The following CEP152 variants were observed in gnomAD, a reference collection of about 807,000 sequenced individuals.
CEP152 encodes the protein centrosomal protein of 152 kDa.
In CEP152, 132 loss-of-function variants were observed where a neutral mutation model predicts 188.9. That is an observed-to-expected ratio of 0.70 (90% CI 0.61 to 0.81). The LOEUF (loss-of-function observed/expected upper bound fraction) is 0.81. Ranked by LOEUF, CEP152 falls within the 30% of genes least tolerant of loss-of-function variation. The probability of loss-of-function intolerance (pLI) is 0.00; values close to 1 mark genes in which losing one functional copy is unlikely to be tolerated. For missense variants in CEP152, 1,914 were observed against 1,969.8 expected (o/e 0.97, Z 0.54); for synonymous variants, 649 against 666.6 (o/e 0.97, Z 0.41).
chr15:48,793,310 C>T lies in CEP152; in HGVS notation c.832+11G>A, dbSNP rs1444716729. The T allele has an allele frequency of 1.5e-5, 24 of 1,613,530 alleles. No homozygotes were observed. The highest frequency in any genetic ancestry group is 2.0e-5 in the Non-Finnish European group (24 of 1,179,722). On this transcript the variant is annotated intron_variant, in intron 7 of 26. Transcript: ENST00000380950. Reference sequence around the variant, plus strand: ...AGTGTACCTCATAAATGACAGCATCCAGCATCTTACCTTTTATTATTACAA... The same window carrying T: ...AGTGTACCTCATAAATGACAGCATCTAGCATCTTACCTTTTATTATTACAA...
chr15:48,793,806 T>C (rs572622150), intron 6 of CEP152, among the ~76,000 whole-genome samples: 2 of 152,316 alleles, frequency 1.3e-5, no homozygotes, highest in East Asian at 3.9e-4. Context: ...AATCACTAAC[T>C]ACCATTTTAG....
chr15:48,745,665 CCTT>C (rs539558222), intron 22 of CEP152, among the ~76,000 whole-genome samples: 39 of 152,030 alleles, frequency 2.6e-4, no homozygotes, highest in African/African-American at 8.9e-4. Flanking sequence ...TTACAAAGAA[CCTT>C]CTTAAGGGTG....
chr15:48,796,980 C>T (rs1049491553), intron 5 of CEP152, among the ~76,000 whole-genome samples: 4 of 152,206 alleles, frequency 2.6e-5, no homozygotes, highest in Admixed American at 1.3e-4. Context: ...AACACAGCTT[C>T]TCATTGAAGC....
At chr15:48,737,300 A>G (rs963495169), downstream of CEP152, among the ~76,000 whole-genome samples, 7 of 152,176 alleles carry the variant, frequency 4.6e-5, no homozygotes, top group African/African-American at 1.4e-4. Context: ...AGAGAAAGCT[A>G]TAGTTAACTG....
Position 48,791,364 on chromosome 15 carries a change from C to T in CEP152, c.845G>A (p.Gly282Asp), listed in dbSNP as rs1316210146. Reference sequence around the variant, plus strand: ...TGATTCTCGAAGGCTGAGAGTCAAACCATCCTTTTCATCTACGGTATTAAA... The same window carrying T: ...TGATTCTCGAAGGCTGAGAGTCAAATCATCCTTTTCATCTACGGTATTAAA... Reference protein sequence around the residue: ...QLVIIKDEKDGLTLSLRESQK... With the variant: ...QLVIIKDEKDDLTLSLRESQK... Residue 282 changes from glycine (G) to aspartate (D), a missense_variant, in exon 8 of 27, where the codon GGT becomes GAT. Transcript: ENST00000380950. 3 of 1,611,948 alleles carry T rather than the reference C, an allele frequency of 1.9e-6. No individual in the cohort carries two copies. Among genetic ancestry groups the T allele is most frequent in the Non-Finnish European group, 2.5e-6 (3 of 1,179,416 alleles).
intron 19 of CEP152, among the ~76,000 whole-genome samples, chr15:48,757,594 G>T (rs1042928858): frequency 6.6e-6 from 1 of 152,122 alleles, no homozygotes; most frequent in East Asian, 1.9e-4. Flanking sequence ...TTCAAAGAAG[G>T]CACAAGGACG....
intron 9 of CEP152, among the ~76,000 whole-genome samples, chr15:48,784,545 G>C (rs1003625166): frequency 2.6e-5 from 4 of 152,176 alleles, no homozygotes; most frequent in Non-Finnish European, 5.9e-5. Flanking sequence ...TAAGGATATA[G>C]ATAAACACAT....
intron 2 of CEP152, among the ~76,000 whole-genome samples, chr15:48,805,105 G>A (rs1359818519): frequency 6.6e-6 from 1 of 152,056 alleles, no homozygotes; most frequent in African/African-American, 2.4e-5. Context: ...TGCTTTCATA[G>A]CACTCCAATT....
chr15:48,738,995 C>G lies in CEP152; in HGVS notation c.4387G>C (p.Glu1463Gln). ...CCTTCACCTTCACAAGGAACAAACT[C>G]AGGAGAAACATTCCTTGGCAAACTG... Reference protein sequence around the residue: ...LNSLPRNVSPEFVPCEGEGGF... With the variant: ...LNSLPRNVSPQFVPCEGEGGF... Residue 1463 changes from glutamate (E) to glutamine (Q), a missense_variant, in exon 27 of 27, where the codon GAG becomes CAG. Transcript: ENST00000380950. 6.2e-7 allele frequency: 1 copy of G among 1,614,120 alleles called. No individual in the cohort carries two copies. Among genetic ancestry groups the G allele is most frequent in the Non-Finnish European group, 8.5e-7 (1 of 1,180,004 alleles).
Position 48,797,996 on chromosome 15 carries a change from G to A in CEP152, c.143C>T (p.Ser48Phe). 6.2e-7 allele frequency: 1 copy of A among 1,613,984 alleles called. No homozygotes were observed. Among genetic ancestry groups the A allele is most frequent in the Non-Finnish European group, 8.5e-7 (1 of 1,179,980 alleles). The change falls in exon 3 of 27, where the codon TCT becomes TTT. Residue 48 changes from serine to phenylalanine, a missense_variant. Coordinates refer to ENST00000380950, the MANE Select transcript of CEP152 (RefSeq NM_001194998.2). ...PHDMLDDDLS[S>F]PELQYSDCSE... Reference sequence around the variant, plus strand: ...GCAGTCCGAATACTGGAGCTCTGGAGAGGAGAGGTCGTCATCCAGCATGTC... The same window carrying A: ...GCAGTCCGAATACTGGAGCTCTGGAAAGGAGAGGTCGTCATCCAGCATGTC...
Position 48,768,963 on chromosome 15 carries a change from T to G in CEP152, c.1901A>C (p.Gln634Pro), listed in dbSNP as rs752153866. ...LKNEIQVLQQ[Q>P]NQELKETEGK... Reference sequence around the variant, plus strand: ...AAAAATATTTTTAATCACCTGATTTTGTTGTTGTAAAACTTGAATTTCATT... The same window carrying G: ...AAAAATATTTTTAATCACCTGATTTGGTTGTTGTAAAACTTGAATTTCATT... The change falls in exon 14 of 27, where the codon CAA (glutamine) becomes CCA (proline). Residue 634 changes from glutamine to proline, a missense_variant. Coordinates refer to ENST00000380950, the MANE Select transcript of CEP152 (RefSeq NM_001194998.2). 1 of 1,532,214 alleles carries G rather than the reference T, an allele frequency of 6.5e-7. No homozygotes were observed. The highest frequency in any genetic ancestry group is 9.0e-7 in the Non-Finnish European group (1 of 1,114,138). 94.9% of individuals were successfully genotyped at this position (1,532,214 alleles called of 1,614,324 possible).
At position 48,738,451 on chromosome 15, in the gene CEP152, G is replaced by T. The variant is rs1892721208; in HGVS notation, c.4931C>A (p.Thr1644Asn). 6.2e-7 allele frequency: 1 copy of T among 1,614,160 alleles called. No homozygotes were observed. Among genetic ancestry groups the T allele is most frequent in the Non-Finnish European group, 8.5e-7 (1 of 1,180,014 alleles). ...RYQTPYLSEE[T>N]TYLEPGKISV... The stretch of plus-strand genomic sequence containing the variant: ...GATCTTTCCTGGCTCCAAATACGTG[G>T]TTTCTTCTGACAGGTATGGAGTTTG... The change falls in exon 27 of 27, where the codon ACC (threonine) becomes AAC (asparagine). Residue 1644 changes from threonine (T) to asparagine (N), a missense_variant. Physicochemically the swap from Thr to Asn is moderately conservative, Grantham distance 65. Coordinates refer to ENST00000380950, the MANE Select transcript of CEP152 (RefSeq NM_001194998.2).
In CEP152 at chr15:48,787,163, G is replaced by GTTTTTTGTTTTTTTT. The variant is rs71120640; in HGVS notation, c.1173+1637_1173+1638insAAAAAAAACAAAAAA. Among the ~76,000 whole-genome samples the GTTTTTTGTTTTTTTT allele has an allele frequency of 9.1e-4, 92 of 101,490 alleles. 2 individuals are homozygous for GTTTTTTGTTTTTTTT. Among genetic ancestry groups the GTTTTTTGTTTTTTTT allele is most frequent in the Non-Finnish European group, 1.4e-3 (75 of 53,384 alleles). 66.6% of individuals were successfully genotyped at this position (101,490 alleles called of 152,430 possible). ...TTTTCAATAATTTGGTATAGCCTTCGTTTTTTTTTTTTTTTTTTTCTGGAA... is the reference window on the plus strand; with the variant it reads ...TTTTCAATAATTTGGTATAGCCTTCGTTTTTTGTTTTTTTTTTTTTTTTTTTTTTTTTTTCTGGAA... On this transcript the variant is annotated intron_variant, in intron 9 of 26. Transcript: ENST00000380950.
chr15:48,752,403 C>G lies in CEP152; in HGVS notation c.3412G>C (p.Ala1138Pro), dbSNP rs1380259103. The G allele has an allele frequency of 6.2e-7, 1 of 1,614,004 alleles. No individual in the cohort carries two copies. Among genetic ancestry groups the G allele is most frequent in the Non-Finnish European group, 8.5e-7 (1 of 1,180,020 alleles). Residue 1138 changes from alanine to proline, a missense_variant, in exon 21 of 27, where the codon GCT becomes CCT. Coordinates refer to ENST00000380950, the MANE Select transcript of CEP152 (RefSeq NM_001194998.2). ...QGTGQGDPGPAAGHHAQPLAL... is the reference protein window; with the variant it reads ...QGTGQGDPGPPAGHHAQPLAL... The stretch of plus-strand genomic sequence containing the variant: ...AAGGGCTGAGCATGGTGTCCAGCAG[C>G]AGGTCCAGGGTCTCCTTGGCCAGTG...
chr15:48,808,463 T>C (rs529433654), intron 1 of CEP152, among the ~76,000 whole-genome samples: 1 of 152,032 alleles, frequency 6.6e-6, no homozygotes, highest in African/African-American at 2.4e-5. Context: ...AGTCCCAATA[T>C]AAAATTATTA....
At position 48,787,169 on chromosome 15, in the gene CEP152, T is replaced by TTTTTTTTG. The variant is rs1555425523; in HGVS notation, c.1173+1631_1173+1632insCAAAAAAA. 3.0e-4 allele frequency among the ~76,000 whole-genome samples: 42 copies of TTTTTTTTG among 140,240 alleles called. 5 individuals are homozygous for TTTTTTTTG. The highest frequency in any genetic ancestry group is 5.5e-4 in the Non-Finnish European group (35 of 64,068). The allele number at this position is 140,240 out of a possible 152,430, so 92.0% of individuals were successfully genotyped here. A position where few individuals can be genotyped will look rare whatever the true frequency, so the allele number is the denominator to read the frequency against. ...ATAATTTGGTATAGCCTTCGTTTTT[T>TTTTTTTTG]TTTTTTTTTTTTTCTGGAAAAAGAG... On this transcript the variant is annotated intron_variant, in intron 9 of 26. Coordinates refer to ENST00000380950, the MANE Select transcript of CEP152 (RefSeq NM_001194998.2).
intron 12 of CEP152, among the ~76,000 whole-genome samples, chr15:48,776,766 T>C (rs1027106214): frequency 6.6e-6 from 1 of 151,930 alleles, no homozygotes; most frequent in Non-Finnish European, 1.5e-5. Context: ...ACAAAACAGG[T>C]GATGTGGAAG....
intron 7 of CEP152, among the ~76,000 whole-genome samples, chr15:48,792,820 CTT>C (rs750579289): frequency 1.4e-4 from 20 of 142,462 alleles, no homozygotes; most frequent in Non-Finnish European, 9.3e-5. Context: ...AATAGAGTGT[CTT>C]TTTTTTTTTT....
At chr15:48,731,431 G>A (rs902389616) in intron 2 of CEP152, among the ~76,000 whole-genome samples, 3 of 152,146 alleles carry the variant, frequency 2.0e-5, no homozygotes, top group Non-Finnish European at 4.4e-5. Context: ...AACGAGCAAT[G>A]GGGAAAGGAT....
Sources: allele counts gnomAD v4.1 joint callset (sites outside exome capture counted in the v4.1 genomes callset), GRCh38; gene constraint gnomAD v4.1.1; transcripts MANE v1.5; gene names NCBI Gene and HGNC (gene_info 2026-07-23, HGNC 2026-07-21).